The following CHCHD3 variants were observed in gnomAD, a reference collection of about 807,000 sequenced individuals.
CHCHD3 encodes coiled-coil-helix-coiled-coil-helix domain containing 3, also known as MICOS complex subunit MIC19.
A neutral mutation model predicts 38.2 loss-of-function variants in CHCHD3; 20 were observed. The ratio of observed to expected loss-of-function variants is 0.52; its 90% confidence interval spans 0.37 to 0.76. The LOEUF (loss-of-function observed/expected upper bound fraction) is 0.76, where lower values mean the gene tolerates loss of function less well. CHCHD3 is among the 30% of genes least tolerant of loss of function. The pLI is 0.00. For missense variants in CHCHD3, 245 were observed against 279.2 expected, an observed-to-expected ratio of 0.88 and a Z score of 0.87; for synonymous variants, 82 against 100.0, an observed-to-expected ratio of 0.82 and a Z score of 1.07.
chr7:132,999,169 TG>T (rs1295068195), intron 3 of CHCHD3, among the ~76,000 whole-genome samples: 2 of 152,330 alleles, frequency 1.3e-5, no homozygotes, highest in African/African-American at 4.8e-5. Context: ...AATATTTATC[TG>T]CATTTCCAGT....
At chr7:132,928,207 T>C (rs1009393023) in intron 4 of CHCHD3, among the ~76,000 whole-genome samples, 4 of 152,092 alleles carry the variant, frequency 2.6e-5, no homozygotes, top group Non-Finnish European at 4.4e-5. Context: ...GGATAAAAAG[T>C]GAAAGAATTC....
chr7:132,951,721 T>C (rs1811040351), intron 4 of CHCHD3, among the ~76,000 whole-genome samples: 2 of 152,206 alleles, frequency 1.3e-5, no homozygotes, highest in East Asian at 1.9e-4. Flanking sequence ...TTAAGAAATA[T>C]AGAATTTGCA....
At position 132,825,109 on chromosome 7, in the gene CHCHD3, C is replaced by T. The variant is rs1807476581; in HGVS notation, c.524+13290G>A. Among the ~76,000 whole-genome samples the T allele has an allele frequency of 2.0e-5, 3 of 152,154 alleles. No homozygotes were observed. In the South Asian group the frequency reaches 6.2e-4, roughly 31 times the overall value. On this transcript the variant is annotated intron_variant, in intron 6 of 7. Transcript: ENST00000262570. ...CCAATGAGTATAAGCCCTCTGAGGG[C>T]AGGGACTCAAACTGATATGTCTGTA... is the stretch of plus-strand genomic sequence containing the variant.
chr7:133,002,525 AT>A (rs200842097), intron 3 of CHCHD3, among the ~76,000 whole-genome samples: 2,154 of 152,152 alleles, frequency 0.014, 57 homozygotes, highest in African/African-American at 0.049. Flanking sequence ...AAATAATTTT[AT>A]TTGTAGTTCG....
At chr7:133,005,682 G>C (rs1171875590) in intron 3 of CHCHD3, among the ~76,000 whole-genome samples, 3 of 152,116 alleles carry the variant, frequency 2.0e-5, no homozygotes, top group Non-Finnish European at 4.4e-5. Flanking sequence ...AAAAAATGAA[G>C]GAATGGTCAA....
intron 3 of CHCHD3, among the ~76,000 whole-genome samples, chr7:133,015,202 G>A (rs1249977843): frequency 1.3e-5 from 2 of 152,066 alleles, no homozygotes; most frequent in Non-Finnish European, 2.9e-5. Flanking sequence ...AACTAGCTGG[G>A]TGTGGTGGCG....
intron 2 of CHCHD3, among the ~76,000 whole-genome samples, chr7:133,037,592 C>G (rs999570755): frequency 6.6e-6 from 1 of 152,104 alleles, no homozygotes; most frequent in Non-Finnish European, 1.5e-5. Flanking sequence ...GCAGGCGGAT[C>G]ACCTGAGGTC....
rs1273001950 is a variant in CHCHD3, at chr7:132,926,517, AG to A, written c.370-40773del. ...CACATGGAGAGTCTAGAGACTGAAA[AG>A]GAAGTATTCTATCCGTAAAAGGAAT... On this transcript the variant is annotated intron_variant, in intron 4 of 7. Coordinates refer to ENST00000262570, the MANE Select transcript of CHCHD3 (RefSeq NM_017812.4). Among the ~76,000 whole-genome samples, 3 of 152,188 alleles carry A rather than the reference AG, an allele frequency of 2.0e-5. 1 individual carries two copies. Among genetic ancestry groups the A allele is most frequent in the South Asian group, 4.1e-4 (2 of 4,826 alleles).
At chr7:133,031,968 C>A (rs190887947) in intron 2 of CHCHD3, among the ~76,000 whole-genome samples, 2 of 152,010 alleles carry the variant, frequency 1.3e-5, no homozygotes, top group African/African-American at 4.8e-5. Flanking sequence ...AAATAATAAT[C>A]AAAGCATCCA....
chr7:133,080,393 T>C (rs1273721288), intron 1 of CHCHD3, among the ~76,000 whole-genome samples: 1 of 152,242 alleles, frequency 6.6e-6, no homozygotes, highest in Non-Finnish European at 1.5e-5. Flanking sequence ...GTGGCCACAT[T>C]CTCTTTCGAT....
chr7:132,817,891 CA>C (rs3076183), intron 6 of CHCHD3, among the ~76,000 whole-genome samples: 13 of 136,142 alleles, frequency 9.5e-5, no homozygotes, highest in South Asian at 2.4e-4. Context: ...GACCCTGTCT[CA>C]AAAAAAAAAT....
chr7:132,949,754 T>C (rs949824445), intron 4 of CHCHD3, among the ~76,000 whole-genome samples: 3 of 152,096 alleles, frequency 2.0e-5, no homozygotes, highest in Non-Finnish European at 4.4e-5. Flanking sequence ...ATTTGCTTCC[T>C]AATCACCAAG....
chr7:132,980,500 T>C (rs949454433), intron 3 of CHCHD3, among the ~76,000 whole-genome samples: 1 of 152,188 alleles, frequency 6.6e-6, no homozygotes, highest in African/African-American at 2.4e-5. Flanking sequence ...TCATTTAAAT[T>C]CTCTAGAGTT....
chr7:132,891,777 T>C (rs917028477), intron 4 of CHCHD3, among the ~76,000 whole-genome samples: 6 of 152,292 alleles, frequency 3.9e-5, no homozygotes, highest in African/African-American at 1.4e-4. Context: ...GAATGGATAA[T>C]GGGGGAGGTT....
At chr7:132,876,240 T>G (rs779034452) in intron 5 of CHCHD3, among the ~76,000 whole-genome samples, 1 of 152,142 alleles carries the variant, frequency 6.6e-6, no homozygotes. Context: ...TGAAGAAAAT[T>G]CAAAGGATTT....
chr7:132,922,778 G>A (rs542542363), intron 4 of CHCHD3, among the ~76,000 whole-genome samples: 6 of 152,094 alleles, frequency 3.9e-5, no homozygotes, highest in East Asian at 3.9e-4. Flanking sequence ...CTTGTCTTAC[G>A]TTTACTTACA....
At chr7:132,964,720 T>C (rs959986496) in intron 4 of CHCHD3, among the ~76,000 whole-genome samples, 2 of 152,206 alleles carry the variant, frequency 1.3e-5, no homozygotes, top group Non-Finnish European at 2.9e-5. Context: ...TGGCAAACTT[T>C]CTTTAAATAA....
intron 4 of CHCHD3, among the ~76,000 whole-genome samples, chr7:132,953,885 G>A (rs117349909): frequency 0.01 from 1,598 of 152,250 alleles, 12 homozygotes; most frequent in South Asian, 0.066. Flanking sequence ...AATTAACAGT[G>A]CCTCCTTTCA....
chr7:133,055,461 ATTATG>A (rs1287079399), intron 2 of CHCHD3, among the ~76,000 whole-genome samples: 20 of 145,406 alleles, frequency 1.4e-4, no homozygotes, highest in South Asian at 4.2e-4. Context: ...ATTAATTATA[ATTATG>A]TTATGTAATT....
Sources: gnomAD v4.1 joint callset for allele counts (sites outside exome capture counted in the v4.1 genomes callset) on GRCh38, gnomAD v4.1.1 for gene constraint, MANE v1.5 for transcripts, NCBI Gene and HGNC (gene_info 2026-07-23, HGNC 2026-07-21) for gene names.